The following SLC35C1 variants were observed in gnomAD, a reference collection of about 807,000 sequenced individuals.
The protein encoded by SLC35C1 is solute carrier family 35 member C1.
A neutral mutation model predicts 23.2 loss-of-function variants in SLC35C1; 8 were observed. The observed-to-expected ratio is 0.35, with a 90% confidence interval of 0.20 to 0.62. The LOEUF is 0.62. Ranked by LOEUF, SLC35C1 falls within the 20% of genes least tolerant of loss-of-function variation. The pLI is 0.75. For synonymous variants in SLC35C1, 226 were observed against 225.1 expected (o/e 1.00, Z -0.04); for missense variants, 422 against 478.6 (o/e 0.88, Z 1.10).
At chr11:45,807,566 T>C (rs2085890497) in intron 1 of SLC35C1, among the ~76,000 whole-genome samples, 1 of 152,170 alleles carries the variant, frequency 6.6e-6, no homozygotes, top group African/African-American at 2.4e-5. Context: ...AAGTTTATCT[T>C]ATTTGGCCTA....
chr11:45,805,583 A>T lies in SLC35C1; in HGVS notation c.-219A>T. On this transcript the variant is annotated 5_prime_UTR_variant, in exon 1 of 2. Coordinates refer to ENST00000314134, the MANE Select transcript of SLC35C1 (RefSeq NM_018389.5). ...TCCCTTGCCCTGTGTCTTGTCTCAG[A>T]GCCCCCTCGGGGTGGGAGTAGGTTG... 1 of 1,454,058 alleles carries T rather than the reference A, an allele frequency of 6.9e-7. No individual in the cohort carries two copies. Among genetic ancestry groups the T allele is most frequent in the Non-Finnish European group, 9.1e-7 (1 of 1,104,350 alleles). The allele number at this position is 1,454,058 out of a possible 1,614,324, so 90.1% of individuals were successfully genotyped here. A position where few individuals can be genotyped will look rare whatever the true frequency, so the allele number is the denominator to read the frequency against.
Position 45,810,847 on chromosome 11 carries a change from G to T in SLC35C1, c.607G>T (p.Val203Leu), listed in dbSNP as rs368377475. ...GTCGTGGCTGGGCACCGTCTTCGGC[G>T]TGCTGGCTAGCCTCTGTGTCTCGCT... ...TLSWLGTVFG[V>L]LASLCVSLNA... The change falls in exon 2 of 2, where the codon GTG (valine) becomes TTG (leucine). Residue 203 changes from valine (V) to leucine (L), a missense_variant. Coordinates refer to ENST00000314134, the MANE Select transcript of SLC35C1 (RefSeq NM_018389.5). 8 of 1,612,252 alleles carry T rather than the reference G, an allele frequency of 5.0e-6. No homozygotes were observed. Among genetic ancestry groups the T allele is most frequent in the South Asian group, 2.2e-5 (2 of 91,086 alleles).
chr11:45,805,179 C>A lies in SLC35C1; in HGVS notation c.-623C>A. On this transcript the variant is annotated 5_prime_UTR_variant, in exon 1 of 2. Coordinates refer to ENST00000314134, the MANE Select transcript of SLC35C1 (RefSeq NM_018389.5). ...ATGTCCGGAGGCTCCTGGGCTGAGC[C>A]GGCGACAGAGCCCGGGAAGGCAGCG... The A allele has an allele frequency of 1.0e-6, 1 of 991,362 alleles. No homozygotes were observed. The highest frequency in any genetic ancestry group is 1.2e-6 in the Non-Finnish European group (1 of 833,108). 61.4% of individuals were successfully genotyped at this position (991,362 alleles called of 1,614,324 possible).
At position 45,805,830 on chromosome 11, in the gene SLC35C1, G is replaced by A. The variant is rs567155861; in HGVS notation, c.29G>A (p.Arg10Lys). MNRAPLKRS[R>K]ILHMALTGAS... ...AATAGGGCCCCTCTGAAGCGGTCCAGGATCCTGCACATGGCGCTGACCGGG... is the reference window on the plus strand; with the variant it reads ...AATAGGGCCCCTCTGAAGCGGTCCAAGATCCTGCACATGGCGCTGACCGGG... Residue 10 changes from arginine to lysine, a missense_variant, in exon 1 of 2, where the codon AGG becomes AAG. Coordinates refer to ENST00000314134, the MANE Select transcript of SLC35C1 (RefSeq NM_018389.5). 91 of 1,613,986 alleles carry A rather than the reference G, an allele frequency of 5.6e-5. No individual in the cohort carries two copies. In the Middle Eastern group the frequency reaches 9.9e-4, roughly 18 times the overall value.
Position 45,811,540 on chromosome 11 carries a change from G to T in SLC35C1, c.*205G>T. ...AAGTTGAAGGAACCAGTGTTTACAAGTAATACCAGAAAGTTGCCAAACCCT... is the reference window on the plus strand; with the variant it reads ...AAGTTGAAGGAACCAGTGTTTACAATTAATACCAGAAAGTTGCCAAACCCT... On this transcript the variant is annotated 3_prime_UTR_variant, in exon 2 of 2. Transcript: ENST00000314134. 2 of 489,776 alleles carry T rather than the reference G, an allele frequency of 4.1e-6. No individual in the cohort carries two copies. The highest frequency in any genetic ancestry group is 3.6e-6 in the Non-Finnish European group (1 of 281,544). The allele number at this position is 489,776 out of a possible 1,614,324, so 30.3% of individuals were successfully genotyped here.
upstream of SLC35C1, chr11:45,804,293 G>C (rs571105443): frequency 1.2e-4 from 22 of 177,248 alleles, no homozygotes; most frequent in Admixed American, 1.1e-3. Context: ...CGAACAGGCC[G>C]GCGAGGCTGG....
At chr11:45,810,396 T>C (rs2085925504) in intron 1 of SLC35C1, 3 of 985,326 alleles carry the variant, frequency 3.0e-6, no homozygotes, top group Non-Finnish European at 2.4e-6. Flanking sequence ...TCAACTGTTA[T>C]TTTCAGATGC....
Position 45,810,951 on chromosome 11 carries a change from C to A in SLC35C1, c.711C>A (p.Asn237Lys), listed in dbSNP as rs777163801. Residue 237 changes from asparagine (N) to lysine (K), a missense_variant, in exon 2 of 2, where the codon AAC becomes AAA. Transcript: ENST00000314134. Reference sequence around the variant, plus strand: ...GCCTGACTTTCTACAACAACGTCAACGCCTGCATCCTCTTCCTGCCCCTGC... The same window carrying A: ...GCCTGACTTTCTACAACAACGTCAAAGCCTGCATCCTCTTCCTGCCCCTGC... ...IWRLTFYNNV[N>K]ACILFLPLLL... The A allele has an allele frequency of 6.2e-7, 1 of 1,612,688 alleles. No homozygotes were observed. Among genetic ancestry groups the A allele is most frequent in the Non-Finnish European group, 8.5e-7 (1 of 1,180,038 alleles).
chr11:45,809,511 G>A (rs2085913631), intron 1 of SLC35C1, among the ~76,000 whole-genome samples: 1 of 152,182 alleles, frequency 6.6e-6, no homozygotes, highest in Non-Finnish European at 1.5e-5. Flanking sequence ...GTGAGTGAGT[G>A]GAATTTCTCC....
At position 45,805,657 on chromosome 11, in the gene SLC35C1, G is replaced by A; in HGVS notation, c.-145G>A. ...CCCAAAGCAGAACTTCTCAATCCAT[G>A]AGGACAATGGGGAGGCCTTTAGGCC... On this transcript the variant is annotated 5_prime_UTR_variant, in exon 1 of 2. It removes an upstream start codon present in the reference 5' UTR. Coordinates refer to ENST00000314134, the MANE Select transcript of SLC35C1 (RefSeq NM_018389.5). 1 of 1,532,864 alleles carries A rather than the reference G, an allele frequency of 6.5e-7. No homozygotes were observed. The highest frequency in any genetic ancestry group is 8.8e-7 in the Non-Finnish European group (1 of 1,142,852). The allele number at this position is 1,532,864 out of a possible 1,614,324, so 95.0% of individuals were successfully genotyped here. A position where few individuals can be genotyped will look rare whatever the true frequency, so the allele number is the denominator to read the frequency against.
At chr11:45,810,673 A>G in intron 1 of SLC35C1, 103 bp from the exon 2 acceptor site, 1 of 1,489,282 alleles carries the variant, frequency 6.7e-7, no homozygotes, top group Non-Finnish European at 8.9e-7. Flanking sequence ...GGAGGGCCGC[A>G]ATACTCAGTC....
intron 1 of SLC35C1, among the ~76,000 whole-genome samples, chr11:45,808,714 G>A (rs1290557344): frequency 6.6e-6 from 1 of 151,554 alleles, no homozygotes; most frequent in Admixed American, 6.6e-5. Flanking sequence ...GTCGGGCTCT[G>A]TGGTTGGGCT....
intron 1 of SLC35C1, among the ~76,000 whole-genome samples, chr11:45,808,069 G>A (rs188334637): frequency 9.2e-5 from 14 of 152,298 alleles, no homozygotes; most frequent in African/African-American, 3.4e-4. Flanking sequence ...CAGGGAGGTG[G>A]ACGCTCTCTG....
intron 1 of SLC35C1, chr11:45,810,570 T>C (rs1435344041): frequency 2.0e-6 from 2 of 985,360 alleles, no homozygotes; most frequent in African/African-American, 1.7e-5. Context: ...GAGGTTTTCT[T>C]GCCCTGGGCG....
Position 45,805,351 on chromosome 11 carries a change from C to CCCCCCCCCCCCCCCCCCCCCCCT in SLC35C1, c.-451_-450insCCCCCCCCCCCCCCCCCCCCCCT. The CCCCCCCCCCCCCCCCCCCCCCCT allele has an allele frequency of 1.0e-6, 1 of 1,000,836 alleles. No homozygotes were observed. Among genetic ancestry groups the CCCCCCCCCCCCCCCCCCCCCCCT allele is most frequent in the Admixed American group, 5.8e-5 (1 of 17,244 alleles). The allele number at this position is 1,000,836 out of a possible 1,614,324, so 62.0% of individuals were successfully genotyped here. On this transcript the variant is annotated 5_prime_UTR_variant, in exon 1 of 2. Coordinates refer to ENST00000314134, the MANE Select transcript of SLC35C1 (RefSeq NM_018389.5). ...CCTCCCCCTGCCCGCCCCTCCCTCC[C>CCCCCCCCCCCCCCCCCCCCCCCT]ACAGCCGCCCATGACGCCCTCTCGG...
upstream of SLC35C1, chr11:45,804,177 G>T (rs1276740629): frequency 6.6e-6 from 1 of 152,422 alleles, no homozygotes; most frequent in Non-Finnish European, 1.5e-5. Context: ...GGTCCCGGGC[G>T]GGCGGGGGTA....
At chr11:45,809,414 C>A (rs2085912259) in intron 1 of SLC35C1, among the ~76,000 whole-genome samples, 2 of 151,976 alleles carry the variant, frequency 1.3e-5, no homozygotes, top group South Asian at 4.1e-4. Flanking sequence ...ACGTGCACTT[C>A]TTCATGGCTG....
Position 45,805,835 on chromosome 11 carries a change from C to T in SLC35C1, c.34C>T (p.Leu12=), listed in dbSNP as rs2085864934. Residue 12 remains leucine, a synonymous_variant, in exon 1 of 2, where the codon CTG becomes TTG. Transcript: ENST00000314134. ...NRAPLKRSRI[L]HMALTGASDP... Reference sequence around the variant, plus strand: ...GGCCCCTCTGAAGCGGTCCAGGATCCTGCACATGGCGCTGACCGGGGCCTC... The same window carrying T: ...GGCCCCTCTGAAGCGGTCCAGGATCTTGCACATGGCGCTGACCGGGGCCTC... 1.9e-6 allele frequency: 3 copies of T among 1,614,050 alleles called. No individual in the cohort carries two copies. Among genetic ancestry groups the T allele is most frequent in the East Asian group, 4.5e-5 (2 of 44,878 alleles).
intron 1 of SLC35C1, among the ~76,000 whole-genome samples, chr11:45,809,091 A>G (rs771150360): frequency 9.9e-5 from 15 of 152,210 alleles, no homozygotes; most frequent in Non-Finnish European, 1.5e-4. Context: ...AACCACCTCC[A>G]TAACAACTTT....
Sources: gnomAD v4.1 joint callset for allele counts (sites outside exome capture counted in the v4.1 genomes callset) on GRCh38, gnomAD v4.1.1 for gene constraint, MANE v1.5 for transcripts, NCBI Gene and HGNC (gene_info 2026-07-23, HGNC 2026-07-21) for gene names.